ITPR1: variants seen among roughly 807,000 people sequenced by gnomAD.
ITPR1 encodes the protein inositol 1,4,5-trisphosphate-gated calcium channel ITPR1.
Under a neutral mutation model 318.4 loss-of-function variants are expected in ITPR1, and 96 were observed. The observed-to-expected ratio is 0.30, with a 90% CI of 0.26 to 0.36. The LOEUF is 0.36. Among genes scored for constraint, ITPR1 ranks in the 10% least tolerant of loss-of-function variants. The pLI is 1.00. For synonymous variants in ITPR1, 1,312 were observed against 1,289.9 expected, an observed-to-expected ratio of 1.02 and a Z score of -0.37; for missense variants, 2,440 against 3,460.2, an observed-to-expected ratio of 0.71 and a Z score of 7.40.
chr3:4,673,679 T>A (rs140761371), intron 21 of ITPR1, among the ~76,000 whole-genome samples: 2,040 of 152,184 alleles, frequency 0.013, 19 homozygotes, highest in Middle Eastern at 0.024. Flanking sequence ...GCCTCCCGGG[T>A]TCGTGCCATT....
At chr3:4,752,278 C>T (rs1427390580) in intron 44 of ITPR1, among the ~76,000 whole-genome samples, 1 of 152,154 alleles carries the variant, frequency 6.6e-6, no homozygotes, top group Non-Finnish European at 1.5e-5. Flanking sequence ...TTGTAGCTAT[C>T]AAGTCTGGGG....
chr3:4,546,946 G>A (rs1478718170), intron 4 of ITPR1, among the ~76,000 whole-genome samples: 2 of 152,256 alleles, frequency 1.3e-5, no homozygotes. Context: ...TTTAGGAGCT[G>A]GAGGACTTGA....
chr3:4,673,213 A>T lies in ITPR1; in HGVS notation c.2282A>T (p.Asp761Val). 6.2e-7 allele frequency: 1 copy of T among 1,613,950 alleles called. No individual in the cohort carries two copies. Among genetic ancestry groups the T allele is most frequent in the East Asian group, 2.2e-5 (1 of 44,854 alleles). ...ATCAACGAAATCTCAGGCCAGCTGG[A>T]TGTCGATCTCATTCTCCGCTGCATG... ...LAINEISGQLDVDLILRCMSD... is the reference protein window; with the variant it reads ...LAINEISGQLVVDLILRCMSD... The change falls in exon 21 of 62, where the codon GAT becomes GTT. Residue 761 changes from aspartate to valine, a missense_variant. Around this residue, in one of 23 missense-constraint regions of ITPR1, gnomAD observed 478 missense variants for 696.3 expected, o/e 0.69. Transcript: ENST00000649015.
Position 4,667,429 on chromosome 3 carries a change from T to C in ITPR1, c.1766T>C (p.Val589Ala). Residue 589 changes from valine (V) to alanine (A), a missense_variant, in exon 18 of 62, where the codon GTG (valine) becomes GCG (alanine). Coordinates refer to ENST00000649015, the MANE Select transcript of ITPR1 (RefSeq NM_001378452.1). ...GFMQKQIGYD[V>A]LAEDTITALL... ...ATGCAGAAGCAGATTGGCTATGATG[T>C]GTTGGCTGAAGACACTATCACTGCC... The C allele has an allele frequency of 6.2e-7, 1 of 1,613,390 alleles. No homozygotes were observed. The highest frequency in any genetic ancestry group is 8.5e-7 in the Non-Finnish European group (1 of 1,179,650).
At chr3:4,718,036 T>G (rs776380323) in intron 40 of ITPR1, among the ~76,000 whole-genome samples, 2 of 152,210 alleles carry the variant, frequency 1.3e-5, no homozygotes, top group Non-Finnish European at 2.9e-5. Flanking sequence ...GCTTCTGTAC[T>G]TATATATCAA....
chr3:4,545,845 G>C (rs1295554897), intron 4 of ITPR1, among the ~76,000 whole-genome samples: 1 of 151,784 alleles, frequency 6.6e-6, no homozygotes, highest in Non-Finnish European at 1.5e-5. Flanking sequence ...CTATAGGCTA[G>C]GACCCCCATG....
At chr3:4,592,644 C>G (rs541228592) in intron 4 of ITPR1, among the ~76,000 whole-genome samples, 14 of 152,172 alleles carry the variant, frequency 9.2e-5, no homozygotes, top group Non-Finnish European at 4.4e-5. Flanking sequence ...TAGGTGGACT[C>G]CATTGTCAGG....
chr3:4,772,636 C>T (rs2046256422), intron 46 of ITPR1, among the ~76,000 whole-genome samples: 1 of 152,236 alleles, frequency 6.6e-6, no homozygotes, highest in African/African-American at 2.4e-5. Flanking sequence ...CTTCCATTTC[C>T]TTAACCCACC....
intron 45 of ITPR1, chr3:4,768,192 T>C (rs1211810467): frequency 3.8e-6 from 1 of 262,428 alleles, no homozygotes; most frequent in Admixed American, 5.2e-5. Context: ...TCACGGATGC[T>C]CTCCCATTTT....
chr3:4,713,822 C>T (rs1007848922), intron 39 of ITPR1, among the ~76,000 whole-genome samples: 2 of 152,188 alleles, frequency 1.3e-5, no homozygotes, highest in Non-Finnish European at 2.9e-5. Flanking sequence ...GATGGCCTTT[C>T]TTTCCAGTCT....
At chr3:4,784,052 G>T (rs2047005020) in intron 51 of ITPR1, 132 bp downstream of exon 51, 15 of 641,320 alleles carry the variant, frequency 2.3e-5, no homozygotes, top group Non-Finnish European at 4.0e-5. Context: ...GCTAGGTCCT[G>T]GGCTGGGTGC....
chr3:4,588,819 A>G (rs145279150), intron 4 of ITPR1, among the ~76,000 whole-genome samples: 2 of 152,046 alleles, frequency 1.3e-5, no homozygotes, highest in African/African-American at 2.4e-5. Context: ...CGTGATGTAT[A>G]GTGACTGTTT....
intron 4 of ITPR1, among the ~76,000 whole-genome samples, chr3:4,604,880 G>A (rs974245070): frequency 1.3e-5 from 2 of 152,128 alleles, no homozygotes; most frequent in Non-Finnish European, 2.9e-5. Context: ...CAGATATGAT[G>A]CCCGGGGTAG....
intron 35 of ITPR1, among the ~76,000 whole-genome samples, chr3:4,702,083 T>C (rs907198968): frequency 5.3e-5 from 8 of 152,184 alleles, no homozygotes; most frequent in Non-Finnish European, 1.2e-4. Context: ...GGTCCAAAGC[T>C]ACCCTTTGAA....
chr3:4,626,387 T>C (rs1342746999), intron 4 of ITPR1, among the ~76,000 whole-genome samples: 1 of 152,218 alleles, frequency 6.6e-6, no homozygotes, highest in Admixed American at 6.5e-5. Context: ...AGGGTAATGT[T>C]CATCATTAAA....
rs1236180590 is a variant in ITPR1, at chr3:4,572,833, CATATT to C, written c.163+51740_163+51744del. On this transcript the variant is annotated intron_variant, in intron 4 of 61. Coordinates refer to ENST00000649015, the MANE Select transcript of ITPR1 (RefSeq NM_001378452.1). ...TTTAGATACCTCATATAACTGGAGT[CATATT>C]GTATTTGTGTTTTTGTGACTGGCTT... Among the ~76,000 whole-genome samples, 24 of 152,336 alleles carry C rather than the reference CATATT, an allele frequency of 1.6e-4. No individual in the cohort carries two copies. In the East Asian group the frequency reaches 4.4e-3, roughly 28 times the overall value.
intron 4 of ITPR1, among the ~76,000 whole-genome samples, chr3:4,590,782 A>G (rs1358243261): frequency 6.6e-6 from 1 of 151,960 alleles, no homozygotes; most frequent in South Asian, 2.1e-4. Context: ...CACATAGACA[A>G]ACACGTGTCA....
chr3:4,569,628 T>C (rs2087769730), intron 4 of ITPR1, among the ~76,000 whole-genome samples: 1 of 152,196 alleles, frequency 6.6e-6, no homozygotes, highest in Non-Finnish European at 1.5e-5. Context: ...ATGGAACCTA[T>C]GATCTAAAAA....
At chr3:4,734,365 A>G (rs563696465) in intron 43 of ITPR1, among the ~76,000 whole-genome samples, 1 of 149,318 alleles carries the variant, frequency 6.7e-6, no homozygotes, top group South Asian at 2.1e-4. Flanking sequence ...AGAATGTGCA[A>G]CCCAATTTCT....
Sources: gnomAD v4.1 joint callset for allele counts (sites outside exome capture counted in the v4.1 genomes callset) on GRCh38, gnomAD v4.1.1 for gene constraint, gnomAD v4.1.1 regional missense constraint, MANE v1.5 for transcripts, NCBI Gene and HGNC (gene_info 2026-07-23, HGNC 2026-07-21) for gene names.